The following LAMC3 variants were observed in gnomAD, a reference collection of about 807,000 sequenced individuals.
The protein encoded by LAMC3 is laminin subunit gamma 3.
LAMC3 carries 128 observed loss-of-function variants against 173.8 expected under a neutral mutation model. That is an observed-to-expected ratio of 0.74 (90% CI 0.64 to 0.85). The LOEUF (loss-of-function observed/expected upper bound fraction) is 0.85, where lower values mean the gene tolerates loss of function less well. Ranked by LOEUF, LAMC3 falls within the 40% of genes least tolerant of loss-of-function variation. LAMC3 has a pLI of 0.00. For synonymous variants in LAMC3, 897 were observed against 909.1 expected (o/e 0.99, Z 0.24); for missense variants, 2,022 against 2,156.0 (o/e 0.94, Z 1.23).
At chr9:131,084,000 G>A (rs1451967590) in intron 24 of LAMC3, among the ~76,000 whole-genome samples, 1 of 147,360 alleles carries the variant, frequency 6.8e-6, no homozygotes, top group African/African-American at 2.5e-5. Context: ...TCAGCCTCCT[G>A]AGTAGCTGGG....
At chr9:131,013,213 G>A (rs887162650) in intron 1 of LAMC3, among the ~76,000 whole-genome samples, 1 of 152,178 alleles carries the variant, frequency 6.6e-6, no homozygotes, top group East Asian at 1.9e-4. Context: ...GTGGCCCCCG[G>A]GACCCTCCCC....
At chr9:131,068,792 T>G in intron 15 of LAMC3, 116 bp from the exon 16 acceptor site, 1 of 1,065,644 alleles carries the variant, frequency 9.4e-7, no homozygotes, top group Non-Finnish European at 1.4e-6. Flanking sequence ...CGAGAGGAGA[T>G]GGGGTCTTGT....
At chr9:131,050,590 A>C (rs1408987401) in intron 9 of LAMC3, among the ~76,000 whole-genome samples, 1 of 151,822 alleles carries the variant, frequency 6.6e-6, no homozygotes, top group Non-Finnish European at 1.5e-5. Context: ...ATATGGTGAA[A>C]CCTCGTCTCT....
At chr9:131,017,032 C>G (rs188469286) in intron 1 of LAMC3, among the ~76,000 whole-genome samples, 1 of 152,314 alleles carries the variant, frequency 6.6e-6, no homozygotes, top group African/African-American at 2.4e-5. Flanking sequence ...CTCCCAACCC[C>G]TTAAAAGAAA....
In LAMC3 at chr9:131,032,171, G is replaced by A. The variant is rs771194030; in HGVS notation, c.805G>A (p.Gly269Ser). Residue 269 changes from glycine (G) to serine (S), a missense_variant, in exon 3 of 28, where the codon GGC becomes AGC. Gly to Ser is a moderately conservative substitution (Grantham distance 56, BLOSUM62 0). Coordinates refer to ENST00000361069, the MANE Select transcript of LAMC3 (RefSeq NM_006059.4). Reference protein sequence around the residue: ...YYAVSDFSVGGRCKCNGHASE... With the variant: ...YYAVSDFSVGSRCKCNGHASE... ...TGCCGTGTCCGACTTCTCTGTGGGC[G>A]GCAGGTAGGAGGGAGGAGGGAGGCA... 32 of 1,580,974 alleles carry A rather than the reference G, an allele frequency of 2.0e-5. No individual in the cohort carries two copies. Among genetic ancestry groups the A allele is most frequent in the South Asian group, 5.5e-5 (5 of 90,658 alleles).
intron 1 of LAMC3, among the ~76,000 whole-genome samples, chr9:131,012,774 G>A (rs574873937): frequency 2.4e-4 from 36 of 152,348 alleles, no homozygotes; most frequent in African/African-American, 8.7e-4. Flanking sequence ...CTCCTTGAAG[G>A]CTCATGGGAA....
At chr9:131,091,417 G>A in intron 27 of LAMC3, 120 bp from the exon 28 acceptor site, 1 of 1,343,630 alleles carries the variant, frequency 7.4e-7, no homozygotes, top group African/African-American at 1.4e-5. Context: ...TTTCCCTGGT[G>A]GATGGTGGGC....
Position 131,025,454 on chromosome 9 carries a change from G to C in LAMC3, c.374-831G>C, listed in dbSNP as rs146320828. Among the ~76,000 whole-genome samples, 466 of 152,246 alleles carry C rather than the reference G, an allele frequency of 3.1e-3. 6 individuals are homozygous for C. Among genetic ancestry groups the C allele is most frequent in the African/African-American group, 0.011 (449 of 41,546 alleles). On this transcript the variant is annotated intron_variant, in intron 1 of 27. Transcript: ENST00000361069. ...GTGCCTAAAGCCTGCAGATCCTCCA[G>C]CTGGGTGTCGGGGGCATGTGGGGGA... is the stretch of plus-strand genomic sequence containing the variant.
rs926113808 is a variant in LAMC3, at chr9:131,092,469, C to A, written c.*682C>A. On this transcript the variant is annotated 3_prime_UTR_variant, in exon 28 of 28. Coordinates refer to ENST00000361069, the MANE Select transcript of LAMC3 (RefSeq NM_006059.4). ...CAGCAGAATCTGAGGCCCAGAGACCCTGAGGCCGTGGCCAGGCCTGCTAGT... is the reference window on the plus strand; with the variant it reads ...CAGCAGAATCTGAGGCCCAGAGACCATGAGGCCGTGGCCAGGCCTGCTAGT... 1 of 153,352 alleles carries A rather than the reference C, an allele frequency of 6.5e-6. No homozygotes were observed. The highest frequency in any genetic ancestry group is 2.1e-4 in the South Asian group (1 of 4,874). 9.5% of individuals were successfully genotyped at this position (153,352 alleles called of 1,614,324 possible).
intron 8 of LAMC3, among the ~76,000 whole-genome samples, chr9:131,048,147 C>T (rs1426630777): frequency 1.4e-5 from 2 of 147,422 alleles, no homozygotes; most frequent in East Asian, 4.2e-4. Context: ...ACCTCCGCCT[C>T]TCGGGTTCAG....
intron 12 of LAMC3, among the ~76,000 whole-genome samples, chr9:131,060,337 C>T (rs111760221): frequency 2.6e-5 from 4 of 152,160 alleles, no homozygotes; most frequent in Non-Finnish European, 4.4e-5. Context: ...AGAGAGGTTT[C>T]GGAATACAAA....
chr9:131,039,179 C>T lies in LAMC3; in HGVS notation c.1214C>T (p.Pro405Leu), dbSNP rs1833998828. 3 of 1,610,868 alleles carry T rather than the reference C, an allele frequency of 1.9e-6. No homozygotes were observed. Among genetic ancestry groups the T allele is most frequent in the Admixed American group, 1.7e-5 (1 of 60,020 alleles). The change falls in exon 6 of 28, where the codon CCC becomes CTC. Residue 405 changes from proline (P) to leucine (L), a missense_variant. Physicochemically the swap from Pro to Leu is moderately conservative, Grantham distance 98. Transcript: ENST00000361069. ...GACACAGGCACCTGCGCCTGCAAGC[C>T]CACGGTGACTGGCTGGAAGTGTGAC... Reference protein sequence around the residue: ...CDDTGTCACKPTVTGWKCDRC... With the variant: ...CDDTGTCACKLTVTGWKCDRC...
At chr9:131,032,497 T>G (rs1306029600) in intron 3 of LAMC3, among the ~76,000 whole-genome samples, 1 of 143,798 alleles carries the variant, frequency 7.0e-6, no homozygotes, top group Non-Finnish European at 1.5e-5. Flanking sequence ...GCTCTCGCTC[T>G]CTCTCACTCG....
At position 131,036,228 on chromosome 9, in the gene LAMC3, G is replaced by C. The variant is rs544505810; in HGVS notation, c.872G>C (p.Arg291Pro). ...GACGTGGCAGGCCAGTTGGCCTGCC[G>C]GTGCCAGCACAACACCACCGGCACA... ...GPDVAGQLAC[R>P]CQHNTTGTDC... The change falls in exon 4 of 28, where the codon CGG (arginine) becomes CCG (proline). Residue 291 changes from arginine to proline, a missense_variant. Physicochemically the swap from Arg to Pro is moderately radical, Grantham distance 103. Transcript: ENST00000361069. 6.2e-7 allele frequency: 1 copy of C among 1,613,060 alleles called. No individual in the cohort carries two copies. The highest frequency in any genetic ancestry group is 1.1e-5 in the South Asian group (1 of 91,040).
chr9:131,056,331 A>G (rs1834402947), intron 11 of LAMC3, among the ~76,000 whole-genome samples: 1 of 152,180 alleles, frequency 6.6e-6, no homozygotes, highest in Non-Finnish European at 1.5e-5. Flanking sequence ...AAATTCATCT[A>G]TAAAATGTTA....
chr9:131,077,040 G>A lies in LAMC3; in HGVS notation c.3630-147G>A, dbSNP rs538870058. 2.2e-4 allele frequency: 221 copies of A among 1,017,082 alleles called. 1 individual carries two copies. The highest frequency in any genetic ancestry group is 1.0e-3 in the South Asian group (77 of 73,450). 63.0% of individuals were successfully genotyped at this position (1,017,082 alleles called of 1,614,324 possible). A position where few individuals can be genotyped will look rare whatever the true frequency, so the allele number is the denominator to read the frequency against. On this transcript the variant is annotated intron_variant, in intron 21 of 27. Transcript: ENST00000361069. ...AGCTTCAGAGAAGCAGCCACTTTCCGAGGCAGCTGTACCTACCCCGCAGAG... is the reference window on the plus strand; with the variant it reads ...AGCTTCAGAGAAGCAGCCACTTTCCAAGGCAGCTGTACCTACCCCGCAGAG...
At chr9:131,018,204 G>A (rs373875609) in intron 1 of LAMC3, among the ~76,000 whole-genome samples, 8 of 148,256 alleles carry the variant, frequency 5.4e-5, no homozygotes, top group Admixed American at 2.0e-4. Flanking sequence ...GCATGATCTC[G>A]GCTCACTGCA....
At chr9:131,087,999 G>A (rs1252164606) in intron 27 of LAMC3, among the ~76,000 whole-genome samples, 182 bp downstream of exon 27, 1 of 152,174 alleles carries the variant, frequency 6.6e-6, no homozygotes, top group East Asian at 1.9e-4. Flanking sequence ...CTTGCCATGT[G>A]GGACAGGGTT....
chr9:131,064,535 C>A (rs1326354107), intron 13 of LAMC3, among the ~76,000 whole-genome samples: 1 of 151,798 alleles, frequency 6.6e-6, no homozygotes, highest in African/African-American at 2.4e-5. Flanking sequence ...AGGTGGCGGG[C>A]GCCTGTAGTC....
Sources: allele counts gnomAD v4.1 joint callset (sites outside exome capture counted in the v4.1 genomes callset), GRCh38; gene constraint gnomAD v4.1.1; transcripts MANE v1.5; gene names NCBI Gene and HGNC (gene_info 2026-07-23, HGNC 2026-07-21).